Variants in KCNQ5 observed in about 807,000 individuals in gnomAD.
KCNQ5 encodes the protein potassium voltage-gated channel subfamily Q member 5.
Under a neutral mutation model 98.2 loss-of-function variants are expected in KCNQ5, and 30 were observed. The observed-to-expected ratio is 0.31, with a 90% CI of 0.23 to 0.41. KCNQ5 has a LOEUF of 0.41. Ranked by LOEUF, KCNQ5 falls within the 10% of genes least tolerant of loss-of-function variation. KCNQ5 has a pLI of 1.00. For missense variants in KCNQ5, 835 were observed against 1,182.5 expected, an observed-to-expected ratio of 0.71 and a Z score of 4.31; for synonymous variants, 458 against 449.4, an observed-to-expected ratio of 1.02 and a Z score of -0.24.
chr6:72,846,215 A>G (rs1012347917), intron 1 of KCNQ5, among the ~76,000 whole-genome samples: 1 of 152,150 alleles, frequency 6.6e-6, no homozygotes, highest in African/African-American at 2.4e-5. Flanking sequence ...TTTGTTTCAT[A>G]TATATATAGT....
At chr6:72,631,655 G>A (rs1383397631) in intron 1 of KCNQ5, among the ~76,000 whole-genome samples, 2 of 152,178 alleles carry the variant, frequency 1.3e-5, no homozygotes, top group Admixed American at 6.5e-5. Context: ...GAGGGCAGAG[G>A]CAGATTGCTG....
chr6:72,661,809 A>G (rs1032599766), intron 1 of KCNQ5, among the ~76,000 whole-genome samples: 12 of 152,278 alleles, frequency 7.9e-5, no homozygotes, highest in Middle Eastern at 3.4e-3. Flanking sequence ...CATTTAGCAT[A>G]CAATGGTGCA....
At chr6:73,134,236 A>G (rs985900833) in intron 10 of KCNQ5, 5 of 215,844 alleles carry the variant, frequency 2.3e-5, no homozygotes, top group Admixed American at 1.0e-4. Context: ...TATTTATCAT[A>G]TTATGTAGCA....
chr6:73,195,294 C>T lies in KCNQ5; in HGVS notation c.2679C>T (p.Ala893=), dbSNP rs781623551. 37 of 1,614,048 alleles carry T rather than the reference C, an allele frequency of 2.3e-5. No homozygotes were observed. The East Asian group carries it at 2.5e-4, about 11-fold the overall frequency. Residue 893 remains alanine (A), a synonymous_variant, in exon 14 of 14, where the codon GCC becomes GCT. Transcript: ENST00000370398. Reference sequence around the variant, plus strand: ...CTTTTGATGCCGCACCGCAGCCTGCCAGGGAAGCTGCCTTTGCATCAGACT... The same window carrying T: ...CTTTTGATGCCGCACCGCAGCCTGCTAGGGAAGCTGCCTTTGCATCAGACT... ...TDTFDAAPQP[A]REAAFASDSL...
chr6:73,103,217 A>T (rs768023232), intron 5 of KCNQ5, among the ~76,000 whole-genome samples: 1 of 152,190 alleles, frequency 6.6e-6, no homozygotes, highest in South Asian at 2.1e-4. Context: ...CAAACTTCAC[A>T]TGGTCTCATT....
chr6:72,684,916 T>C (rs1436931930), intron 1 of KCNQ5, among the ~76,000 whole-genome samples: 1 of 152,090 alleles, frequency 6.6e-6, no homozygotes, highest in South Asian at 2.1e-4. Flanking sequence ...CCCCTAGGCA[T>C]TGCTCCATCT....
intron 3 of KCNQ5, among the ~76,000 whole-genome samples, chr6:73,068,918 G>C (rs1447199425): frequency 6.6e-6 from 1 of 152,094 alleles, no homozygotes; most frequent in South Asian, 2.1e-4. Context: ...TAATGGTTTT[G>C]TCAAATAATG....
At chr6:72,868,563 G>A (rs1455404964) in intron 1 of KCNQ5, among the ~76,000 whole-genome samples, 1 of 152,150 alleles carries the variant, frequency 6.6e-6, no homozygotes, top group Non-Finnish European at 1.5e-5. Flanking sequence ...AATGAATTCA[G>A]GAGACTGCCA....
rs116506482 is a variant in KCNQ5, at chr6:72,872,346, G to T, written c.399-131562G>T. Among the ~76,000 whole-genome samples the T allele has an allele frequency of 7.7e-3, 1,172 of 152,240 alleles. 13 individuals carry two copies. The highest frequency in any genetic ancestry group is 0.025 in the African/African-American group (1,029 of 41,532). Reference sequence around the variant, plus strand: ...GCCTTCCAGTATATTTGTCATAAGAGCATAAGGAGGTCTACTCTGTAGAAA... The same window carrying T: ...GCCTTCCAGTATATTTGTCATAAGATCATAAGGAGGTCTACTCTGTAGAAA... On this transcript the variant is annotated intron_variant, in intron 1 of 13. Transcript: ENST00000370398.
intron 1 of KCNQ5, among the ~76,000 whole-genome samples, chr6:72,709,989 A>G (rs184835343): frequency 6.6e-6 from 1 of 152,290 alleles, no homozygotes; most frequent in Non-Finnish European, 1.5e-5. Flanking sequence ...ATAAAGCTAT[A>G]TAAGGGCACA....
intron 1 of KCNQ5, among the ~76,000 whole-genome samples, chr6:72,795,583 T>A (rs1774285523): frequency 6.6e-6 from 1 of 152,210 alleles, no homozygotes. Flanking sequence ...ATCTTTAAAT[T>A]GAGTCTTGCT....
intron 1 of KCNQ5, among the ~76,000 whole-genome samples, chr6:72,671,973 C>T (rs954311924): frequency 5.9e-5 from 9 of 151,930 alleles, no homozygotes; most frequent in East Asian, 3.9e-4. Flanking sequence ...CCCGCCACCA[C>T]GCCTGGCTAA....
chr6:72,952,903 C>T (rs978743077), intron 1 of KCNQ5, among the ~76,000 whole-genome samples: 1 of 152,188 alleles, frequency 6.6e-6, no homozygotes, highest in Non-Finnish European at 1.5e-5. Context: ...GTAATAAACT[C>T]ATATGCTACA....
At chr6:73,025,623 C>CAAAAAAAAAAAAAAAAAAAAAA (rs58607159) in intron 2 of KCNQ5, among the ~76,000 whole-genome samples, 39 of 52,988 alleles carry the variant, frequency 7.4e-4, no homozygotes, top group Non-Finnish European at 1.7e-3. Flanking sequence ...AACTCCATCT[C>CAAAAAAAAAAAAAAAAAAAAAA]AAAAAAAAAA....
At chr6:73,148,952 T>C (rs989205752) in intron 10 of KCNQ5, among the ~76,000 whole-genome samples, 2 of 152,204 alleles carry the variant, frequency 1.3e-5, no homozygotes, top group African/African-American at 4.8e-5. Flanking sequence ...TTTTTTGTTT[T>C]TTGTGTCAAA....
At chr6:72,836,071 C>T (rs1365933811) in intron 1 of KCNQ5, among the ~76,000 whole-genome samples, 12 of 152,138 alleles carry the variant, frequency 7.9e-5, no homozygotes, top group Admixed American at 7.2e-4. Context: ...ATGCCACTGA[C>T]CACATTGGTG....
chr6:73,061,084 C>T (rs865991283), intron 3 of KCNQ5, among the ~76,000 whole-genome samples: 1 of 152,056 alleles, frequency 6.6e-6, no homozygotes, highest in African/African-American at 2.4e-5. Context: ...AGTGGAAGAC[C>T]TTTCTGCACA....
At chr6:72,720,094 G>A (rs1310244648) in intron 1 of KCNQ5, among the ~76,000 whole-genome samples, 1 of 152,178 alleles carries the variant, frequency 6.6e-6, no homozygotes, top group Non-Finnish European at 1.5e-5. Flanking sequence ...ATGCCACCAT[G>A]TGGCCTCTGG....
chr6:72,812,238 C>T (rs528688366), intron 1 of KCNQ5, among the ~76,000 whole-genome samples: 3 of 152,196 alleles, frequency 2.0e-5, no homozygotes, highest in Admixed American at 6.5e-5. Flanking sequence ...CTAGTCCTGC[C>T]GACCTCCTGT....
Sources: allele counts gnomAD v4.1 joint callset (sites outside exome capture counted in the v4.1 genomes callset), GRCh38; gene constraint gnomAD v4.1.1; transcripts MANE v1.5; gene names NCBI Gene and HGNC (gene_info 2026-07-23, HGNC 2026-07-21).